SGCZ: variants seen among roughly 807,000 people sequenced by gnomAD.
The protein encoded by SGCZ is sarcoglycan zeta, also known as zeta-sarcoglycan.
A neutral mutation model predicts 41.3 loss-of-function variants in SGCZ; 40 were observed. The ratio of observed to expected loss-of-function variants is 0.97; its 90% CI spans 0.75 to 1.26. The LOEUF is 1.26. SGCZ is among the 50% of genes most tolerant of loss of function. The probability of loss-of-function intolerance (pLI) is 0.00; values close to 1 mark genes in which losing one functional copy is unlikely to be tolerated. For missense variants in SGCZ, 552 were observed against 369.8 expected (o/e 1.49, Z -4.04); for synonymous variants, 206 against 137.5 (o/e 1.50, Z -3.49).
intron 1 of SGCZ, among the ~76,000 whole-genome samples, chr8:15,223,213 G>A (rs1216307468): frequency 6.6e-6 from 1 of 152,042 alleles, no homozygotes; most frequent in Non-Finnish European, 1.5e-5. Context: ...CAAAGATACG[G>A]AAAATAAAAA....
At chr8:14,710,085 G>A (rs1299104898) in intron 1 of SGCZ, among the ~76,000 whole-genome samples, 1 of 152,066 alleles carries the variant, frequency 6.6e-6, no homozygotes, top group Non-Finnish European at 1.5e-5. Context: ...TAAATTAATG[G>A]GCCAGGCGCG....
intron 5 of SGCZ, among the ~76,000 whole-genome samples, chr8:14,135,789 A>G (rs188266632): frequency 6.6e-6 from 1 of 152,220 alleles, no homozygotes; most frequent in African/African-American, 2.4e-5. Context: ...AATACTAACT[A>G]GTTTTATACT....
intron 1 of SGCZ, among the ~76,000 whole-genome samples, chr8:14,873,148 G>C (rs767982827): frequency 6.6e-6 from 1 of 152,062 alleles, no homozygotes; most frequent in Non-Finnish European, 1.5e-5. Flanking sequence ...ATGCTTCCCA[G>C]TGGTGAACAT....
intron 1 of SGCZ, among the ~76,000 whole-genome samples, chr8:15,110,837 A>G (rs185952561): frequency 1.3e-5 from 2 of 152,240 alleles, no homozygotes; most frequent in East Asian, 3.9e-4. Flanking sequence ...GCATAGTGGC[A>G]TGCACCTGTA....
At chr8:14,459,559 G>C (rs1194118041) in intron 2 of SGCZ, among the ~76,000 whole-genome samples, 1 of 152,110 alleles carries the variant, frequency 6.6e-6, no homozygotes, top group East Asian at 1.9e-4. Flanking sequence ...GAAGTTTGAG[G>C]AGAAGCAAGA....
chr8:14,225,436 A>T (rs1806338782), intron 4 of SGCZ, among the ~76,000 whole-genome samples: 2 of 151,946 alleles, frequency 1.3e-5, no homozygotes, highest in Non-Finnish European at 1.5e-5. Flanking sequence ...AATACTAAAA[A>T]TTGAGGCTGA....
At chr8:14,550,309 T>C (rs1248947739) in intron 2 of SGCZ, among the ~76,000 whole-genome samples, 5 of 150,556 alleles carry the variant, frequency 3.3e-5, no homozygotes, top group Admixed American at 6.7e-5. Context: ...TATACATGCA[T>C]ACAAATATTT....
At chr8:14,971,503 C>T (rs1289789661) in intron 1 of SGCZ, among the ~76,000 whole-genome samples, 1 of 151,798 alleles carries the variant, frequency 6.6e-6, no homozygotes, top group Non-Finnish European at 1.5e-5. Flanking sequence ...TTTGTCAATG[C>T]TTTTTCTGAG....
intron 1 of SGCZ, among the ~76,000 whole-genome samples, chr8:14,960,058 G>C (rs1238030994): frequency 6.6e-6 from 1 of 152,168 alleles, no homozygotes; most frequent in Non-Finnish European, 1.5e-5. Context: ...AAGCAAAGAG[G>C]TTGCACAGAT....
intron 1 of SGCZ, among the ~76,000 whole-genome samples, chr8:15,204,905 A>G (rs184504873): frequency 6.6e-6 from 1 of 152,352 alleles, no homozygotes; most frequent in Admixed American, 6.5e-5. Context: ...TTTCACAGAC[A>G]TTAAAAAACC....
intron 2 of SGCZ, among the ~76,000 whole-genome samples, chr8:14,352,478 C>T (rs952056845): frequency 6.6e-6 from 1 of 152,030 alleles, no homozygotes; most frequent in African/African-American, 2.4e-5. Context: ...GCAGAGACAT[C>T]AAAGACAGAA....
chr8:14,780,482 C>T (rs1800555332), intron 1 of SGCZ, among the ~76,000 whole-genome samples: 2 of 151,774 alleles, frequency 1.3e-5, no homozygotes, highest in African/African-American at 4.8e-5. Flanking sequence ...TATCATGTGT[C>T]ATCTATTGTT....
intron 2 of SGCZ, among the ~76,000 whole-genome samples, chr8:14,514,763 A>G (rs1000992538): frequency 1.4e-4 from 18 of 131,268 alleles, no homozygotes; most frequent in African/African-American, 5.3e-4. Context: ...GTATGTGTAA[A>G]TTTATATACA....
Position 14,680,723 on chromosome 8 carries a change from T to C in SGCZ, c.40-125797A>G, listed in dbSNP as rs556895475. Among the ~76,000 whole-genome samples, 5 of 150,778 alleles carry C rather than the reference T, an allele frequency of 3.3e-5. No homozygotes were observed. The South Asian group carries it at 8.3e-4, about 25-fold the overall frequency. On this transcript the variant is annotated intron_variant, in intron 1 of 7. Transcript: ENST00000382080. ...TTAGTGAAAAAATACATTAAAATGC[T>C]CTTATAAATATACTACATATATTCC...
chr8:14,694,595 G>C (rs1279221419), intron 1 of SGCZ, among the ~76,000 whole-genome samples: 2 of 152,118 alleles, frequency 1.3e-5, no homozygotes, highest in South Asian at 2.1e-4. Flanking sequence ...GATAGAATCT[G>C]ATTTCTGTGG....
rs1387930172 is a variant in SGCZ, at chr8:14,525,674, T to C, written c.234+29058A>G. 4.6e-5 allele frequency among the ~76,000 whole-genome samples: 7 copies of C among 152,220 alleles called. No homozygotes were observed. In the East Asian group the frequency reaches 1.4e-3, roughly 30 times the overall value. On this transcript the variant is annotated intron_variant, in intron 2 of 7. Coordinates refer to ENST00000382080, the MANE Select transcript of SGCZ (RefSeq NM_139167.4). ...ACATTAACACACTAAAAAGAAAATT[T>C]AAACCAAATTAGTGGGCCTTTGCAA...
At chr8:14,807,166 G>C (rs1801564416) in intron 1 of SGCZ, among the ~76,000 whole-genome samples, 1 of 151,810 alleles carries the variant, frequency 6.6e-6, no homozygotes, top group African/African-American at 2.4e-5. Context: ...TTGAAAACTG[G>C]CACAAGACAC....
rs181677744 is a variant in SGCZ, at chr8:14,619,358, C to T, written c.40-64432G>A. On this transcript the variant is annotated intron_variant, in intron 1 of 7. Coordinates refer to ENST00000382080, the MANE Select transcript of SGCZ (RefSeq NM_139167.4). ...ATACTGAATGGGCAAAAACTGGAAG[C>T]ATTCCCTTTGAAAACTGGCACAAGA... Among the ~76,000 whole-genome samples, 605 of 152,272 alleles carry T rather than the reference C, an allele frequency of 4.0e-3. 4 individuals are homozygous for T. The highest frequency in any genetic ancestry group is 0.012 in the African/African-American group (495 of 41,568).
intron 1 of SGCZ, among the ~76,000 whole-genome samples, chr8:14,870,300 G>A (rs533433353): frequency 1.3e-5 from 2 of 151,872 alleles, no homozygotes; most frequent in South Asian, 4.2e-4. Context: ...AGACCATCCT[G>A]GCCAACGCGG....
Sources: gnomAD v4.1 joint callset for allele counts (sites outside exome capture counted in the v4.1 genomes callset) on GRCh38, gnomAD v4.1.1 for gene constraint, MANE v1.5 for transcripts, NCBI Gene and HGNC (gene_info 2026-07-23, HGNC 2026-07-21) for gene names.